The following FAM107B variants were observed in gnomAD, a reference collection of about 807,000 sequenced individuals.
The protein encoded by FAM107B is protein FAM107B.
A neutral mutation model predicts 31.5 loss-of-function variants in FAM107B; 21 were observed. That is an observed-to-expected ratio of 0.67 (90% confidence interval 0.47 to 0.96). The LOEUF is 0.96. Ranked by LOEUF, FAM107B falls within the 40% of genes least tolerant of loss-of-function variation. FAM107B has a pLI of 0.00. For missense variants in FAM107B, 452 were observed against 377.1 expected (o/e 1.20, Z -1.64); for synonymous variants, 157 against 141.5 (o/e 1.11, Z -0.78).
At chr10:14,678,651 TCTC>T (rs1237408811) in intron 1 of FAM107B, among the ~76,000 whole-genome samples, 4 of 152,334 alleles carry the variant, frequency 2.6e-5, no homozygotes, top group African/African-American at 9.6e-5. Flanking sequence ...TCCCTTTTCT[TCTC>T]CTCTCTTCTT....
At chr10:14,529,988 A>T (rs1434430978) in intron 3 of FAM107B, 1 of 192,788 alleles carries the variant, frequency 5.2e-6, no homozygotes, top group African/African-American at 2.4e-5. Context: ...GAAAATTCAG[A>T]GATTTTAAAT....
chr10:14,649,553 A>T (rs778996466), intron 2 of FAM107B, among the ~76,000 whole-genome samples: 6 of 152,166 alleles, frequency 3.9e-5, no homozygotes, highest in Non-Finnish European at 7.3e-5. Flanking sequence ...CCTTCTATTG[A>T]TTCCACATCT....
intron 1 of FAM107B, among the ~76,000 whole-genome samples, chr10:14,772,353 TAA>T (rs201097631): frequency 6.3e-5 from 9 of 142,908 alleles, no homozygotes; most frequent in Admixed American, 1.4e-4. Context: ...GACTCCATCT[TAA>T]AAAAAAAATA....
intron 1 of FAM107B, among the ~76,000 whole-genome samples, chr10:14,760,054 A>G (rs1375503923): frequency 6.6e-6 from 1 of 152,126 alleles, no homozygotes; most frequent in Non-Finnish European, 1.5e-5. Flanking sequence ...TATCATTGCT[A>G]ATATTTTTGT....
chr10:14,743,469 G>C (rs12360202), intron 1 of FAM107B, among the ~76,000 whole-genome samples: 11,977 of 152,052 alleles, frequency 0.079, 525 homozygotes, highest in East Asian at 0.14. Flanking sequence ...TTTCTTCTAG[G>C]GTTTTCATAG....
chr10:14,623,215 C>T (rs1019979830), intron 2 of FAM107B, among the ~76,000 whole-genome samples: 2 of 152,280 alleles, frequency 1.3e-5, no homozygotes, highest in South Asian at 2.1e-4. Context: ...AGCACAACAA[C>T]GCAATAAAGC....
At chr10:14,548,651 C>T in intron 2 of FAM107B, 1 of 985,396 alleles carries the variant, frequency 1.0e-6, no homozygotes, top group African/African-American at 1.7e-5. Context: ...GGCAGGCACT[C>T]CCAGAAGCCC....
At chr10:14,631,559 T>A (rs1469027433) in intron 2 of FAM107B, among the ~76,000 whole-genome samples, 4 of 152,168 alleles carry the variant, frequency 2.6e-5, no homozygotes, top group Non-Finnish European at 5.9e-5. Flanking sequence ...TCCTGCCTGA[T>A]TGATTTCTAA....
At chr10:14,680,294 C>T (rs1337803928) in intron 1 of FAM107B, among the ~76,000 whole-genome samples, 1 of 152,076 alleles carries the variant, frequency 6.6e-6, no homozygotes, top group African/African-American at 2.4e-5. Flanking sequence ...CAGAGAGGGG[C>T]CGGGTGCGGT....
intron 2 of FAM107B, among the ~76,000 whole-genome samples, chr10:14,580,678 A>G (rs1204287418): frequency 6.6e-6 from 1 of 152,042 alleles, no homozygotes; most frequent in Non-Finnish European, 1.5e-5. Flanking sequence ...TACTGAACAC[A>G]TAGCTGTGTT....
chr10:14,559,621 G>A (rs1052781868), intron 2 of FAM107B, among the ~76,000 whole-genome samples: 3 of 150,968 alleles, frequency 2.0e-5, no homozygotes, highest in African/African-American at 4.9e-5. Context: ...CCAGGCTGGA[G>A]TGCAGTGGCG....
At chr10:14,732,511 A>C (rs1423593067) in intron 1 of FAM107B, among the ~76,000 whole-genome samples, 4 of 152,174 alleles carry the variant, frequency 2.6e-5, no homozygotes, top group African/African-American at 9.7e-5. Context: ...ACTATTTTAG[A>C]GGGCTGTTTC....
chr10:14,537,636 G>A (rs1284230806), intron 2 of FAM107B, among the ~76,000 whole-genome samples: 3 of 152,078 alleles, frequency 2.0e-5, no homozygotes, highest in South Asian at 2.1e-4. Context: ...TCCAGAGATC[G>A]AGACCATCCT....
chr10:14,644,723 G>T lies in FAM107B; in HGVS notation c.469+22911C>A, dbSNP rs1000767248. ...AGGTCCAAATAAAATGATTGCAAAA[G>T]CATTATGAAGAATGCCACACAAATG... On this transcript the variant is annotated intron_variant, in intron 2 of 4. Coordinates refer to ENST00000181796, the MANE Select transcript of FAM107B (RefSeq NM_031453.4). Among the ~76,000 whole-genome samples, 4 of 152,154 alleles carry T rather than the reference G, an allele frequency of 2.6e-5. No individual in the cohort carries two copies. In the South Asian group the frequency reaches 8.3e-4, roughly 31 times the overall value.
chr10:14,680,575 A>AC (rs887921218), intron 1 of FAM107B, among the ~76,000 whole-genome samples: 41 of 141,538 alleles, frequency 2.9e-4, no homozygotes, highest in Middle Eastern at 3.5e-3. Context: ...CTCTGTCTCA[A>AC]AAAAAAAAAA....
At chr10:14,572,736 A>ATTATATATATATATATATAT (rs1455058375) in intron 2 of FAM107B, among the ~76,000 whole-genome samples, 68 of 86,462 alleles carry the variant, frequency 7.9e-4, no homozygotes, top group African/African-American at 2.7e-3. Context: ...AAAAAAAAAA[A>ATTATATATATATATATATAT]ATTTATATAT....
chr10:14,561,181 T>C (rs1232604626), intron 2 of FAM107B, among the ~76,000 whole-genome samples: 1 of 152,218 alleles, frequency 6.6e-6, no homozygotes, highest in Non-Finnish European at 1.5e-5. Context: ...CTGTGTCTAT[T>C]AAGTGCCAGG....
chr10:14,697,545 C>T (rs898819078), intron 1 of FAM107B, among the ~76,000 whole-genome samples: 1 of 152,158 alleles, frequency 6.6e-6, no homozygotes, highest in Non-Finnish European at 1.5e-5. Flanking sequence ...TTACGATAGC[C>T]TTGAAGGAAC....
At chr10:14,689,826 G>T (rs544705152) in intron 1 of FAM107B, among the ~76,000 whole-genome samples, 3 of 151,902 alleles carry the variant, frequency 2.0e-5, no homozygotes, top group African/African-American at 7.2e-5. Context: ...AGCTGGGTGT[G>T]GTAGTGCATT....
Sources: gnomAD v4.1 joint callset for allele counts (sites outside exome capture counted in the v4.1 genomes callset) on GRCh38, gnomAD v4.1.1 for gene constraint, MANE v1.5 for transcripts, NCBI Gene and HGNC (gene_info 2026-07-23, HGNC 2026-07-21) for gene names.